The following ANGPT1 variants were observed in gnomAD, a reference collection of about 807,000 sequenced individuals.
ANGPT1 encodes angiopoietin-1.
In ANGPT1, 17 loss-of-function variants were observed where a neutral mutation model predicts 62.2. The observed-to-expected ratio is 0.27, with a 90% CI of 0.19 to 0.41. The LOEUF (loss-of-function observed/expected upper bound fraction) is 0.41, where lower values mean the gene tolerates loss of function less well. ANGPT1 is among the 10% of genes least tolerant of loss of function. ANGPT1 has a pLI of 1.00. For synonymous variants in ANGPT1, 199 were observed against 198.9 expected (o/e 1.00, Z 0.00); for missense variants, 478 against 594.9 (o/e 0.80, Z 2.04).
At chr8:107,422,583 C>T (rs1221136648) in intron 1 of ANGPT1, among the ~76,000 whole-genome samples, 1 of 152,120 alleles carries the variant, frequency 6.6e-6, no homozygotes, top group Non-Finnish European at 1.5e-5. Context: ...AGAGTGTCTT[C>T]CAGTTGCATC....
At chr8:107,263,779 C>T (rs533610991) in intron 8 of ANGPT1, among the ~76,000 whole-genome samples, 2 of 152,206 alleles carry the variant, frequency 1.3e-5, no homozygotes, top group South Asian at 2.1e-4. Flanking sequence ...AACTGTGTTA[C>T]CTTTGGTTTA....
chr8:107,427,210 T>G (rs1246431113), intron 1 of ANGPT1, among the ~76,000 whole-genome samples: 3 of 152,144 alleles, frequency 2.0e-5, no homozygotes, highest in Non-Finnish European at 4.4e-5. Flanking sequence ...CTCTTAAAGC[T>G]AAAGACATAT....
At chr8:107,257,887 G>GTTTTTTTTTT (rs774474320) in intron 8 of ANGPT1, among the ~76,000 whole-genome samples, 2 of 110,946 alleles carry the variant, frequency 1.8e-5, no homozygotes, top group African/African-American at 6.6e-5. Flanking sequence ...TTTCTTTTTT[G>GTTTTTTTTTT]TTTGTTTGTT....
At chr8:107,469,515 A>C (rs1027783770) in intron 1 of ANGPT1, among the ~76,000 whole-genome samples, 2 of 152,050 alleles carry the variant, frequency 1.3e-5, no homozygotes, top group Non-Finnish European at 2.9e-5. Context: ...GTTATGAACC[A>C]CAGCCTTTAT....
intron 1 of ANGPT1, among the ~76,000 whole-genome samples, chr8:107,421,738 G>A (rs765280475): frequency 4.6e-5 from 7 of 152,140 alleles, no homozygotes; most frequent in Non-Finnish European, 1.0e-4. Context: ...ACAATGCTTC[G>A]TGTGCATTAT....
Position 107,428,331 on chromosome 8 carries a change from C to T in ANGPT1, c.297+68931G>A, listed in dbSNP as rs1457063574. Among the ~76,000 whole-genome samples the T allele has an allele frequency of 2.6e-5, 4 of 152,118 alleles. No homozygotes were observed. The East Asian group carries it at 7.7e-4, about 29-fold the overall frequency. On this transcript the variant is annotated intron_variant, in intron 1 of 8. Coordinates refer to ENST00000517746, the MANE Select transcript of ANGPT1 (RefSeq NM_001146.5). ...TCATGCTGGGCAACTTGAGAGATTA[C>T]AAAAGAGCTACAAGCTCCAGAGTCT...
At chr8:107,398,339 G>A (rs1287914865) in intron 1 of ANGPT1, among the ~76,000 whole-genome samples, 1 of 152,072 alleles carries the variant, frequency 6.6e-6, no homozygotes, top group Non-Finnish European at 1.5e-5. Flanking sequence ...TTTGAAAAAT[G>A]CAATTTAAAT....
At chr8:107,366,483 C>T (rs1394665811) in intron 1 of ANGPT1, among the ~76,000 whole-genome samples, 1 of 152,142 alleles carries the variant, frequency 6.6e-6, no homozygotes, top group Non-Finnish European at 1.5e-5. Context: ...AATACGTTTG[C>T]TGTGTTTTTT....
intron 1 of ANGPT1, among the ~76,000 whole-genome samples, chr8:107,452,402 T>G (rs761845362): frequency 6.6e-6 from 1 of 151,876 alleles, no homozygotes; most frequent in Non-Finnish European, 1.5e-5. Context: ...AAACACACCA[T>G]GATACATTTT....
intron 7 of ANGPT1, among the ~76,000 whole-genome samples, chr8:107,265,294 GA>G (rs1813586881): frequency 6.6e-6 from 1 of 152,148 alleles, no homozygotes; most frequent in African/African-American, 2.4e-5. Context: ...ACTGTCCAAA[GA>G]GAACATTTTG....
chr8:107,458,545 T>C (rs938912087), intron 1 of ANGPT1, among the ~76,000 whole-genome samples: 6 of 152,176 alleles, frequency 3.9e-5, no homozygotes, highest in Admixed American at 3.3e-4. Context: ...TTAGTAACTA[T>C]GTCTAGTAGA....
intron 4 of ANGPT1, among the ~76,000 whole-genome samples, chr8:107,313,372 T>A (rs1017640995): frequency 2.7e-5 from 4 of 150,686 alleles, no homozygotes; most frequent in Admixed American, 6.6e-5. Context: ...CATGTTGATA[T>A]CCTTTGGTTG....
chr8:107,271,409 G>C (rs552596120), intron 7 of ANGPT1, among the ~76,000 whole-genome samples: 64 of 152,070 alleles, frequency 4.2e-4, no homozygotes, highest in African/African-American at 1.4e-3. Flanking sequence ...AAAATATACA[G>C]TAGTTCAATA....
At chr8:107,383,659 A>T (rs1816680491) in intron 1 of ANGPT1, among the ~76,000 whole-genome samples, 1 of 152,150 alleles carries the variant, frequency 6.6e-6, no homozygotes, top group African/African-American at 2.4e-5. Flanking sequence ...CTGAACAGGT[A>T]CCTAGAAGAG....
At chr8:107,326,131 T>C (rs117923953) in intron 3 of ANGPT1, among the ~76,000 whole-genome samples, 61 of 152,250 alleles carry the variant, frequency 4.0e-4, no homozygotes, top group East Asian at 1.2e-3. Context: ...CCCATATAGT[T>C]TGTCATCTTA....
chr8:107,436,975 A>G (rs932068025), intron 1 of ANGPT1, among the ~76,000 whole-genome samples: 9 of 152,216 alleles, frequency 5.9e-5, no homozygotes, highest in Non-Finnish European at 1.0e-4. Context: ...TTGAACACAA[A>G]CATGTCAGCT....
Position 107,478,796 on chromosome 8 carries a change from T to A in ANGPT1, c.297+18466A>T, listed in dbSNP as rs1812601558. ...TGCTATTACATACATACAGCTTTTATAAATTGAGGACAATAACAGTATGTG... is the reference window on the plus strand; with the variant it reads ...TGCTATTACATACATACAGCTTTTAAAAATTGAGGACAATAACAGTATGTG... On this transcript the variant is annotated intron_variant, in intron 1 of 8. Coordinates refer to ENST00000517746, the MANE Select transcript of ANGPT1 (RefSeq NM_001146.5). 3.9e-5 allele frequency among the ~76,000 whole-genome samples: 6 copies of A among 152,174 alleles called. No individual in the cohort carries two copies. The South Asian group carries it at 1.2e-3, about 32-fold the overall frequency.
chr8:107,491,546 G>A (rs2130542108), intron 1 of ANGPT1, among the ~76,000 whole-genome samples: 1 of 152,280 alleles, frequency 6.6e-6, no homozygotes, highest in South Asian at 2.1e-4. Flanking sequence ...TGAATGAAGA[G>A]AAGTAGCCAA....
chr8:107,257,300 T>C (rs1004397120), intron 8 of ANGPT1, among the ~76,000 whole-genome samples: 6 of 152,214 alleles, frequency 3.9e-5, no homozygotes, highest in Non-Finnish European at 7.3e-5. Flanking sequence ...TAAAATTTAG[T>C]TTAGTAATAA....
Sources: gnomAD v4.1 joint callset for allele counts (sites outside exome capture counted in the v4.1 genomes callset) on GRCh38, gnomAD v4.1.1 for gene constraint, MANE v1.5 for transcripts, NCBI Gene and HGNC (gene_info 2026-07-23, HGNC 2026-07-21) for gene names.